ZCWPW2: variants seen among roughly 807,000 people sequenced by gnomAD.
ZCWPW2 encodes zinc finger CW-type PWWP domain protein 2.
A neutral mutation model predicts 46.6 loss-of-function variants in ZCWPW2; 45 were observed. That is an observed-to-expected ratio of 0.96 (90% CI 0.76 to 1.24). ZCWPW2 has a LOEUF of 1.24. Ranked by LOEUF, ZCWPW2 falls within the 50% of genes most tolerant of loss-of-function variation. The pLI is 0.00. For missense variants in ZCWPW2, 429 were observed against 403.9 expected, an observed-to-expected ratio of 1.06 and a Z score of -0.53; for synonymous variants, 152 against 137.1, an observed-to-expected ratio of 1.11 and a Z score of -0.76.
At chr3:28,489,173 A>T (rs575079378) in intron 5 of ZCWPW2, among the ~76,000 whole-genome samples, 1 of 152,284 alleles carries the variant, frequency 6.6e-6, no homozygotes, top group African/African-American at 2.4e-5. Context: ...CATAGCAAAC[A>T]TCCATTTTGG....
intron 6 of ZCWPW2, among the ~76,000 whole-genome samples, chr3:28,494,426 G>T (rs1699918607): frequency 7.1e-6 from 1 of 141,574 alleles, no homozygotes; most frequent in Admixed American, 7.2e-5. Context: ...CCCATTGCTT[G>T]TTTTTCTCAG....
intron 2 of ZCWPW2, among the ~76,000 whole-genome samples, chr3:28,403,492 T>G (rs950797639): frequency 6.6e-6 from 1 of 152,102 alleles, no homozygotes; most frequent in Non-Finnish European, 1.5e-5. Flanking sequence ...ACAAATTCAA[T>G]GCAATTCCCA....
Position 28,514,097 on chromosome 3 carries a change from A to C in ZCWPW2, c.691A>C (p.Lys231Gln), listed in dbSNP as rs537631882. ...TTCTAAAAATAATATTGAAAAGAAGAAGCCCAAATTTAGAAAAAGGAAAAG... is the reference window on the plus strand; with the variant it reads ...TTCTAAAAATAATATTGAAAAGAAGCAGCCCAAATTTAGAAAAAGGAAAAG... ...QTSKNNIEKK[K>Q]PKFRKRKRKA... The change falls in exon 7 of 10, where the codon AAG becomes CAG. Residue 231 changes from lysine to glutamine, a missense_variant. Physicochemically the swap from Lys to Gln is moderately conservative, Grantham distance 53 (BLOSUM62 1). Coordinates refer to ENST00000383768, the MANE Select transcript of ZCWPW2 (RefSeq NM_001040432.4). 7.3e-6 allele frequency: 11 copies of C among 1,503,144 alleles called. No homozygotes were observed. The highest frequency in any genetic ancestry group is 2.3e-5 in the East Asian group (1 of 42,772). The allele number at this position is 1,503,144 out of a possible 1,614,324, so 93.1% of individuals were successfully genotyped here. A position where few individuals can be genotyped will look rare whatever the true frequency, so the allele number is the denominator to read the frequency against.
At chr3:28,473,765 A>G (rs1455651088) in intron 4 of ZCWPW2, among the ~76,000 whole-genome samples, 1 of 152,222 alleles carries the variant, frequency 6.6e-6, no homozygotes, top group African/African-American at 2.4e-5. Flanking sequence ...GTTAAGTGAA[A>G]TAAGCACAGA....
chr3:28,403,160 T>C (rs866998463), intron 2 of ZCWPW2, among the ~76,000 whole-genome samples: 1 of 152,082 alleles, frequency 6.6e-6, no homozygotes, highest in South Asian at 2.1e-4. Flanking sequence ...TAAAGACTTC[T>C]CCAGAAAGTT....
intron 4 of ZCWPW2, among the ~76,000 whole-genome samples, chr3:28,443,337 G>T (rs574049352): frequency 6.6e-6 from 1 of 152,270 alleles, no homozygotes; most frequent in East Asian, 1.9e-4. Context: ...CGGTAATTTA[G>T]TGGGGTCCTT....
chr3:28,514,043 A>G (rs770014724), intron 6 of ZCWPW2, 21 bp from the exon 7 acceptor site: 1 of 1,485,992 alleles, frequency 6.7e-7, no homozygotes, highest in Admixed American at 1.9e-5. Context: ...ACTAACTCAT[A>G]TTTTTGTTTT....
At chr3:28,368,855 T>C (rs1373552772) in intron 1 of ZCWPW2, among the ~76,000 whole-genome samples, 1 of 152,212 alleles carries the variant, frequency 6.6e-6, no homozygotes, top group African/African-American at 2.4e-5. Flanking sequence ...GCTTTGTTCA[T>C]TTCTTTTTAT....
In ZCWPW2 at chr3:28,463,764, T is replaced by C. The variant is rs528783848; in HGVS notation, c.493-15050T>C. ...GCTGAGGTGGGAGGATCCCTTGAGC[T>C]CAGGGGTTCAAGGGTCCAGTGAGCT... On this transcript the variant is annotated intron_variant, in intron 4 of 9. Transcript: ENST00000383768. 7.2e-5 allele frequency among the ~76,000 whole-genome samples: 11 copies of C among 151,856 alleles called. No homozygotes were observed. In the South Asian group the frequency reaches 2.1e-3, roughly 29 times the overall value.
intron 2 of ZCWPW2, among the ~76,000 whole-genome samples, chr3:28,411,891 T>A (rs574569076): frequency 1.3e-5 from 2 of 152,064 alleles, no homozygotes; most frequent in African/African-American, 2.4e-5. Context: ...ACACTGAATG[T>A]TTTTGGTCTT....
chr3:28,520,501 T>G (rs985386875), intron 8 of ZCWPW2, among the ~76,000 whole-genome samples: 2 of 152,192 alleles, frequency 1.3e-5, no homozygotes, highest in African/African-American at 4.8e-5. Context: ...TGCCTGTTTT[T>G]GTAAATAAAG....
intron 6 of ZCWPW2, among the ~76,000 whole-genome samples, chr3:28,494,463 A>T (rs1699919858): frequency 6.7e-6 from 1 of 148,460 alleles, no homozygotes; most frequent in South Asian, 2.2e-4. Context: ...ATAGTTGTAG[A>T]TATGCGGCAT....
chr3:28,378,898 G>T (rs1331849213), intron 1 of ZCWPW2, among the ~76,000 whole-genome samples: 1 of 152,100 alleles, frequency 6.6e-6, no homozygotes, highest in Non-Finnish European at 1.5e-5. Context: ...GTGTTAAGTG[G>T]TATGCAGAGG....
chr3:28,388,214 G>A (rs1695349599), intron 1 of ZCWPW2, among the ~76,000 whole-genome samples: 1 of 152,102 alleles, frequency 6.6e-6, no homozygotes, highest in Admixed American at 6.6e-5. Flanking sequence ...ACTGATTTTA[G>A]TGCTAATCTC....
intron 1 of ZCWPW2, among the ~76,000 whole-genome samples, chr3:28,370,837 A>C (rs1355801793): frequency 6.6e-6 from 1 of 152,130 alleles, no homozygotes; most frequent in Non-Finnish European, 1.5e-5. Flanking sequence ...GATTCAAGAA[A>C]TTCTCCTGCC....
chr3:28,413,490 T>G, intron 3 of ZCWPW2, 90 bp downstream of exon 3: 1 of 1,126,036 alleles, frequency 8.9e-7, no homozygotes, highest in East Asian at 2.4e-5. Flanking sequence ...AACATTTTTC[T>G]TTTGTCTACT....
intron 2 of ZCWPW2, among the ~76,000 whole-genome samples, chr3:28,392,470 A>G (rs1230740917): frequency 1.3e-5 from 2 of 152,172 alleles, no homozygotes; most frequent in African/African-American, 4.8e-5. Context: ...TAATGGACCT[A>G]ACAGAAATGT....
Position 28,514,112 on chromosome 3 carries a change from A to G in ZCWPW2, c.706A>G (p.Lys236Glu), listed in dbSNP as rs1368737005. 5.4e-6 allele frequency: 8 copies of G among 1,487,382 alleles called. No homozygotes were observed. The highest frequency in any genetic ancestry group is 7.4e-6 in the Non-Finnish European group (8 of 1,086,478). The allele number at this position is 1,487,382 out of a possible 1,614,324, so 92.1% of individuals were successfully genotyped here. A position where few individuals can be genotyped will look rare whatever the true frequency, so the allele number is the denominator to read the frequency against. The change falls in exon 7 of 10, where the codon AAA (lysine) becomes GAA (glutamate). Residue 236 changes from lysine (K) to glutamate (E), a missense_variant. Transcript: ENST00000383768. ...TGAAAAGAAGAAGCCCAAATTTAGAAAAAGGAAAAGGTATGCTTTTTGAAA... is the reference window on the plus strand; with the variant it reads ...TGAAAAGAAGAAGCCCAAATTTAGAGAAAGGAAAAGGTATGCTTTTTGAAA... ...NIEKKKPKFR[K>E]RKRKAILKCS...
chr3:28,420,577 TTA>T (rs1228867340), intron 3 of ZCWPW2, among the ~76,000 whole-genome samples: 1 of 151,322 alleles, frequency 6.6e-6, no homozygotes, highest in East Asian at 1.9e-4. Flanking sequence ...TAATTATACT[TTA>T]TGTTGTTTTT....
Sources: allele counts gnomAD v4.1 joint callset (sites outside exome capture counted in the v4.1 genomes callset), GRCh38; gene constraint gnomAD v4.1.1; transcripts MANE v1.5; gene names NCBI Gene and HGNC (gene_info 2026-07-23, HGNC 2026-07-21).